Variants in MSI2 observed in about 807,000 individuals in gnomAD.
MSI2 encodes the protein musashi RNA binding protein 2, also known as RNA-binding protein Musashi homolog 2.
Under a neutral mutation model 45.6 loss-of-function variants are expected in MSI2, and 17 were observed. That is an observed-to-expected ratio of 0.37 (90% confidence interval 0.26 to 0.56). The LOEUF is 0.56. MSI2 is among the 20% of genes least tolerant of loss of function. The probability of loss-of-function intolerance (pLI) is 0.77; values close to 1 mark genes in which losing one functional copy is unlikely to be tolerated. For missense variants in MSI2, 293 were observed against 444.2 expected (o/e 0.66, Z 3.06); for synonymous variants, 156 against 158.2 (o/e 0.99, Z 0.11).
At chr17:57,595,997 C>T (rs186709009) in intron 7 of MSI2, among the ~76,000 whole-genome samples, 3 of 152,354 alleles carry the variant, frequency 2.0e-5, no homozygotes, top group Admixed American at 6.5e-5. Flanking sequence ...GCCATGTTAA[C>T]GCTACCATGT....
chr17:57,523,845 C>T (rs1157350365), intron 6 of MSI2, among the ~76,000 whole-genome samples: 1 of 152,190 alleles, frequency 6.6e-6, no homozygotes, highest in Non-Finnish European at 1.5e-5. Flanking sequence ...GACTGTCTAT[C>T]TTCTGATTAC....
chr17:57,335,577 A>C (rs1914636062), intron 5 of MSI2, among the ~76,000 whole-genome samples: 1 of 152,224 alleles, frequency 6.6e-6, no homozygotes, highest in South Asian at 2.1e-4. Context: ...CCTGACATAC[A>C]TAATGAGCCT....
chr17:57,294,970 G>A (rs1403716132), intron 5 of MSI2, among the ~76,000 whole-genome samples: 2 of 152,096 alleles, frequency 1.3e-5, no homozygotes, highest in Admixed American at 6.5e-5. Context: ...GGTGATCAGC[G>A]GGCGAAGGAT....
intron 5 of MSI2, among the ~76,000 whole-genome samples, chr17:57,311,743 A>G (rs1272239547): frequency 1.3e-5 from 2 of 152,116 alleles, no homozygotes. Context: ...TTTTGCAGAA[A>G]TGGGGTCTTG....
intron 5 of MSI2, among the ~76,000 whole-genome samples, chr17:57,308,353 C>T (rs1006048512): frequency 3.9e-5 from 6 of 152,108 alleles, no homozygotes; most frequent in Admixed American, 3.3e-4. Context: ...AGTGCTAGTT[C>T]TCTTCTAAAT....
chr17:57,396,647 G>A (rs1001935703), intron 5 of MSI2, among the ~76,000 whole-genome samples: 17 of 152,214 alleles, frequency 1.1e-4, no homozygotes, highest in African/African-American at 4.1e-4. Context: ...TTTTCCAAAC[G>A]GGAATGGGTG....
At chr17:57,384,659 A>G (rs2083654274) in intron 5 of MSI2, among the ~76,000 whole-genome samples, 1 of 152,156 alleles carries the variant, frequency 6.6e-6, no homozygotes, top group African/African-American at 2.4e-5. Flanking sequence ...CTCCTCCCCT[A>G]GTTCAGTGAG....
chr17:57,283,498 C>T (rs1022867365), intron 5 of MSI2, among the ~76,000 whole-genome samples: 1 of 152,054 alleles, frequency 6.6e-6, no homozygotes, highest in African/African-American at 2.4e-5. Context: ...AGATGGATGC[C>T]AAACCTGAAG....
Position 57,468,530 on chromosome 17 carries a change from A to AC in MSI2, c.406-61146_406-61145insC, listed in dbSNP as rs5821186. Among the ~76,000 whole-genome samples, 94 of 151,334 alleles carry AC rather than the reference A, an allele frequency of 6.2e-4. 2 individuals carry two copies. In the East Asian group the frequency reaches 0.018, roughly 29 times the overall value. ...AGCGAGACTCTATCTCAAAAAAAAA[A>AC]AAAAAAAACAAGCAGTGGCTGGCAC... On this transcript the variant is annotated intron_variant, in intron 6 of 13. Transcript: ENST00000284073.
chr17:57,410,025 A>AAAAAAAAAAAAAAAGG (rs2084164914), intron 6 of MSI2, among the ~76,000 whole-genome samples: 1 of 148,898 alleles, frequency 6.7e-6, no homozygotes, highest in Non-Finnish European at 1.5e-5. Context: ...AAAAAAAAAA[A>AAAAAAAAAAAAAAAGG]TGGGGAGTAT....
At chr17:57,501,719 C>T (rs761292473) in intron 6 of MSI2, among the ~76,000 whole-genome samples, 28 of 152,194 alleles carry the variant, frequency 1.8e-4, no homozygotes, top group Non-Finnish European at 2.9e-4. Context: ...CCGTTGGCAA[C>T]GAGACGGACC....
At chr17:57,276,943 G>T (rs1908898661) in intron 5 of MSI2, among the ~76,000 whole-genome samples, 1 of 152,072 alleles carries the variant, frequency 6.6e-6, no homozygotes, top group Non-Finnish European at 1.5e-5. Context: ...GAGCCCCACT[G>T]CATAGTCAGG....
chr17:57,354,775 C>T (rs1916297316), intron 5 of MSI2, among the ~76,000 whole-genome samples: 1 of 152,092 alleles, frequency 6.6e-6, no homozygotes, highest in Non-Finnish European at 1.5e-5. Context: ...TACAAAGGAG[C>T]ATGCGATGGG....
intron 5 of MSI2, among the ~76,000 whole-genome samples, chr17:57,331,061 G>A (rs1243476780): frequency 6.6e-6 from 1 of 151,882 alleles, no homozygotes; most frequent in Non-Finnish European, 1.5e-5. Flanking sequence ...TTACAGGCAC[G>A]CACCACCATG....
At chr17:57,270,335 C>T (rs1211923465) in intron 5 of MSI2, among the ~76,000 whole-genome samples, 1 of 152,166 alleles carries the variant, frequency 6.6e-6, no homozygotes, top group Non-Finnish European at 1.5e-5. Context: ...AACCATAGAA[C>T]TAGTAAGGTT....
At chr17:57,325,203 T>C (rs758438181) in intron 5 of MSI2, among the ~76,000 whole-genome samples, 6 of 152,212 alleles carry the variant, frequency 3.9e-5, no homozygotes, top group Non-Finnish European at 7.3e-5. Flanking sequence ...GCCATTATTC[T>C]AAATGAAGTG....
chr17:57,655,738 C>T (rs564024018), intron 11 of MSI2, among the ~76,000 whole-genome samples: 1 of 152,276 alleles, frequency 6.6e-6, no homozygotes, highest in East Asian at 1.9e-4. Flanking sequence ...GCACGCTCAG[C>T]GGGAAGGTTT....
intron 6 of MSI2, among the ~76,000 whole-genome samples, chr17:57,440,181 C>T (rs1040932322): frequency 6.6e-6 from 1 of 152,086 alleles, no homozygotes; most frequent in African/African-American, 2.4e-5. Flanking sequence ...GCTGAGGAGG[C>T]AGCGATGGGT....
At chr17:57,594,215 C>A (rs958719750) in intron 7 of MSI2, among the ~76,000 whole-genome samples, 18 of 152,212 alleles carry the variant, frequency 1.2e-4, no homozygotes, top group Admixed American at 3.3e-4. Context: ...CCAATTTCCG[C>A]GGCCTCCGCA....
Sources: gnomAD v4.1 joint callset for allele counts (sites outside exome capture counted in the v4.1 genomes callset) on GRCh38, gnomAD v4.1.1 for gene constraint, MANE v1.5 for transcripts, NCBI Gene and HGNC (gene_info 2026-07-23, HGNC 2026-07-21) for gene names.